Variants in HSDL2 observed in about 807,000 individuals in gnomAD.
The protein encoded by HSDL2 is hydroxysteroid dehydrogenase like 2.
HSDL2 carries 27 observed loss-of-function variants against 46.3 expected under a neutral mutation model. That is an observed-to-expected ratio of 0.58 (90% CI 0.43 to 0.80). HSDL2 has a LOEUF of 0.80. HSDL2 is among the 30% of genes least tolerant of loss of function. HSDL2 has a pLI of 0.00. For missense variants in HSDL2, 451 were observed against 502.7 expected (o/e 0.90, Z 0.98); for synonymous variants, 153 against 163.6 (o/e 0.94, Z 0.50).
At chr9:112,392,311 G>A (rs938794550) in intron 1 of HSDL2, among the ~76,000 whole-genome samples, 1 of 151,778 alleles carries the variant, frequency 6.6e-6, no homozygotes, top group Non-Finnish European at 1.5e-5. Flanking sequence ...CAGTGGTGCA[G>A]GTATTGTCTT....
chr9:112,440,175 G>A (rs1003412620), intron 7 of HSDL2, among the ~76,000 whole-genome samples: 9 of 151,992 alleles, frequency 5.9e-5, no homozygotes, highest in Non-Finnish European at 1.0e-4. Flanking sequence ...GTAATTGTGC[G>A]CAAGTTTTAA....
intron 6 of HSDL2, among the ~76,000 whole-genome samples, chr9:112,420,518 C>A (rs990381635): frequency 6.8e-6 from 1 of 147,894 alleles, no homozygotes; most frequent in Non-Finnish European, 1.5e-5. Context: ...AAAAAAAAAA[C>A]ACACACAAAA....
intron 10 of HSDL2, among the ~76,000 whole-genome samples, chr9:112,459,837 G>A (rs1252948494): frequency 6.6e-6 from 1 of 152,092 alleles, no homozygotes; most frequent in African/African-American, 2.4e-5. Flanking sequence ...TAATTCAAAG[G>A]GACTCCTGGG....
At chr9:112,459,195 A>G (rs984775734) in intron 9 of HSDL2, among the ~76,000 whole-genome samples, 7 of 152,070 alleles carry the variant, frequency 4.6e-5, no homozygotes, top group African/African-American at 1.7e-4. Context: ...TTGATTCCTT[A>G]ATGTGCTCCC....
At chr9:112,449,378 C>T (rs758417858) in intron 8 of HSDL2, among the ~76,000 whole-genome samples, 3 of 151,892 alleles carry the variant, frequency 2.0e-5, no homozygotes, top group Non-Finnish European at 4.4e-5. Context: ...TGAGCCACCA[C>T]GCCCAGCCTC....
chr9:112,397,912 C>A (rs1026742575), intron 1 of HSDL2, among the ~76,000 whole-genome samples: 2 of 152,146 alleles, frequency 1.3e-5, no homozygotes, highest in African/African-American at 4.8e-5. Flanking sequence ...ACTTGTACCC[C>A]TTGAGCACTG....
Position 112,385,036 on chromosome 9 carries a change from C to G in HSDL2, c.17+4856C>G, listed in dbSNP as rs531663188. Among the ~76,000 whole-genome samples, 4 of 152,196 alleles carry G rather than the reference C, an allele frequency of 2.6e-5. No individual in the cohort carries two copies. The East Asian group carries it at 7.7e-4, about 29-fold the overall frequency. On this transcript the variant is annotated intron_variant, in intron 1 of 10. Transcript: ENST00000398805. ...GGTGTCTGGAGTTCATTTCTGCAGG[C>G]TAGGTCACCACGACCTGTCTACAGC...
intron 5 of HSDL2, 31 bp downstream of exon 5, chr9:112,416,975 G>A (rs1206769189): frequency 6.9e-6 from 7 of 1,007,714 alleles, no homozygotes; most frequent in Non-Finnish European, 1.1e-5. Context: ...TGAGGGGATG[G>A]TTTGTGCTTA....
intron 1 of HSDL2, among the ~76,000 whole-genome samples, chr9:112,390,989 A>G (rs1019139066): frequency 2.6e-5 from 4 of 151,984 alleles, no homozygotes; most frequent in African/African-American, 9.7e-5. Context: ...CAGCCTGGCC[A>G]ACATGGTGAA....
chr9:112,442,765 G>T (rs1832669979), intron 8 of HSDL2, among the ~76,000 whole-genome samples: 1 of 151,732 alleles, frequency 6.6e-6, no homozygotes, highest in East Asian at 1.9e-4. Flanking sequence ...TTAGAAGTCT[G>T]ATAGAAAATG....
chr9:112,420,554 A>G (rs1037749148), intron 6 of HSDL2, among the ~76,000 whole-genome samples: 2 of 151,416 alleles, frequency 1.3e-5, no homozygotes, highest in African/African-American at 4.9e-5. Context: ...GTAGTGGTGC[A>G]CACCTATGGC....
intron 4 of HSDL2, among the ~76,000 whole-genome samples, chr9:112,412,982 A>G (rs1831912142): frequency 6.6e-6 from 1 of 152,036 alleles, no homozygotes; most frequent in Admixed American, 6.6e-5. Context: ...TCGCACAAAG[A>G]TTCTATTCAC....
intron 2 of HSDL2, among the ~76,000 whole-genome samples, chr9:112,405,335 G>C (rs764145509): frequency 1.3e-5 from 2 of 152,168 alleles, no homozygotes; most frequent in African/African-American, 4.8e-5. Flanking sequence ...CTGGGCAAGA[G>C]AGTGAGACCC....
At chr9:112,405,594 C>G in intron 2 of HSDL2, 30 bp from the exon 3 acceptor site, 4 of 1,463,086 alleles carry the variant, frequency 2.7e-6, no homozygotes, top group Non-Finnish European at 3.8e-6. Flanking sequence ...AATGCTTTAA[C>G]GCTTTTTCAT....
At chr9:112,418,366 T>G (rs1832042027) in intron 5 of HSDL2, among the ~76,000 whole-genome samples, 1 of 152,022 alleles carries the variant, frequency 6.6e-6, no homozygotes, top group South Asian at 2.1e-4. Flanking sequence ...GTGGATTGCT[T>G]GAGCCCAGGA....
intron 5 of HSDL2, among the ~76,000 whole-genome samples, chr9:112,418,542 C>T (rs1272233815): frequency 1.4e-5 from 2 of 146,214 alleles, no homozygotes; most frequent in East Asian, 2.0e-4. Context: ...GTAATCACAC[C>T]ACTGCACTCC....
chr9:112,444,143 C>A lies in HSDL2; in HGVS notation c.865+2373C>A, dbSNP rs72760172. Among the ~76,000 whole-genome samples, 488 of 152,278 alleles carry A rather than the reference C, an allele frequency of 3.2e-3. 1 individual carries two copies. Among genetic ancestry groups the A allele is most frequent in the South Asian group, 9.1e-3 (44 of 4,830 alleles). The stretch of plus-strand genomic sequence containing the variant: ...TTCAGTCAATAGCAATTTTACCTGA[C>A]CTTTTCTGTAGATATATTAATATAC... On this transcript the variant is annotated intron_variant, in intron 8 of 10. Transcript: ENST00000398805.
intron 1 of HSDL2, 51 bp from the exon 2 acceptor site, chr9:112,403,944 A>G (rs1288700313): frequency 1.3e-6 from 2 of 1,548,670 alleles, no homozygotes; most frequent in South Asian, 1.2e-5. Flanking sequence ...GATACCTGTC[A>G]GTAAATAAAA....
chr9:112,382,202 G>T (rs575620821), intron 1 of HSDL2, among the ~76,000 whole-genome samples: 1 of 152,376 alleles, frequency 6.6e-6, no homozygotes, highest in Non-Finnish European at 1.5e-5. Flanking sequence ...GGAGGTGGCA[G>T]TGAGCCGAGA....
Sources: allele counts gnomAD v4.1 joint callset (sites outside exome capture counted in the v4.1 genomes callset), GRCh38; gene constraint gnomAD v4.1.1; transcripts MANE v1.5; gene names NCBI Gene and HGNC (gene_info 2026-07-23, HGNC 2026-07-21).